Variants in ZAR1 observed in about 807,000 individuals in gnomAD.
ZAR1 encodes the protein zygote arrest 1.
A neutral mutation model predicts 38.3 loss-of-function variants in ZAR1; 37 were observed. The observed-to-expected ratio is 0.97, with a 90% confidence interval of 0.74 to 1.27. ZAR1 has a LOEUF of 1.27. ZAR1 is among the 50% of genes most tolerant of loss of function. The probability of loss-of-function intolerance (pLI) is 0.00; values close to 1 mark genes in which losing one functional copy is unlikely to be tolerated. For synonymous variants in ZAR1, 336 were observed against 292.0 expected, an observed-to-expected ratio of 1.15 and a Z score of -1.53; for missense variants, 651 against 632.4, an observed-to-expected ratio of 1.03 and a Z score of -0.32.
downstream of ZAR1, chr4:48,494,395 A>G: frequency 1.0e-6 from 1 of 966,176 alleles, no homozygotes. Flanking sequence ...CACGATTTAT[A>G]CATTGCATAA....
Position 48,490,888 on chromosome 4 carries a change from C to A in ZAR1, c.597C>A (p.Pro199=). Residue 199 remains proline (P), a synonymous_variant, in exon 1 of 4, where the codon CCC becomes CCA. Coordinates refer to ENST00000327939, the MANE Select transcript of ZAR1 (RefSeq NM_175619.3). ...RLTAFLEGPG[P]AAGEQRSGAS... Reference sequence around the variant, plus strand: ...CCGCCTTCCTGGAGGGGCCCGGGCCCGCGGCGGGCGAGCAGAGGTCCGGGG... The same window carrying A: ...CCGCCTTCCTGGAGGGGCCCGGGCCAGCGGCGGGCGAGCAGAGGTCCGGGG... 1 of 1,401,108 alleles carries A rather than the reference C, an allele frequency of 7.1e-7. No homozygotes were observed. Among genetic ancestry groups the A allele is most frequent in the South Asian group, 1.5e-5 (1 of 65,324 alleles). The allele number at this position is 1,401,108 out of a possible 1,614,324, so 86.8% of individuals were successfully genotyped here.
intron 3 of ZAR1, 91 bp downstream of exon 3, chr4:48,493,103 C>T: frequency 8.4e-7 from 1 of 1,196,096 alleles, no homozygotes; most frequent in South Asian, 1.3e-5. Flanking sequence ...GAGGCCAGGC[C>T]CCCAGACCTT....
At chr4:48,494,451 AAC>A, downstream of ZAR1, 1 of 623,330 alleles carries the variant, frequency 1.6e-6, no homozygotes, top group South Asian at 2.1e-5. Flanking sequence ...GTCTTGTGCT[AAC>A]AGTCTGGGCC....
At chr4:48,496,320 G>A (rs1425509863), downstream of ZAR1, among the ~76,000 whole-genome samples, 1 of 152,190 alleles carries the variant, frequency 6.6e-6, no homozygotes, top group African/African-American at 2.4e-5. Flanking sequence ...GGTAGGTACA[G>A]GGGTAGGAAA....
In ZAR1 at chr4:48,490,841, C is replaced by T. The variant is rs771440149; in HGVS notation, c.550C>T (p.Pro184Ser). 1.7e-5 allele frequency: 26 copies of T among 1,496,036 alleles called. No individual in the cohort carries two copies. The highest frequency in any genetic ancestry group is 2.3e-5 in the Non-Finnish European group (26 of 1,130,148). 92.7% of individuals were successfully genotyped at this position (1,496,036 alleles called of 1,614,324 possible). A position where few individuals can be genotyped will look rare whatever the true frequency, so the allele number is the denominator to read the frequency against. ...RFPRTVAVYS[P>S]LALRRLTAFL... ...CCCGCGCACCGTCGCCGTGTACTCG[C>T]CCCTGGCCTTGCGCCGTCTCACCGC... The change falls in exon 1 of 4, where the codon CCC becomes TCC. Residue 184 changes from proline (P) to serine (S), a missense_variant. This residue lies in a region of ZAR1 where 522 missense variants were observed against 459.9 expected (regional missense o/e 1.14). Coordinates refer to ENST00000327939, the MANE Select transcript of ZAR1 (RefSeq NM_175619.3).
At position 48,490,879 on chromosome 4, in the gene ZAR1, G is replaced by A. The variant is rs139073114; in HGVS notation, c.588G>A (p.Gly196=). The A allele has an allele frequency of 1.4e-6, 2 of 1,417,004 alleles. No individual in the cohort carries two copies. The highest frequency in any genetic ancestry group is 9.2e-7 in the Non-Finnish European group (1 of 1,089,432). The allele number at this position is 1,417,004 out of a possible 1,614,324, so 87.8% of individuals were successfully genotyped here. A position where few individuals can be genotyped will look rare whatever the true frequency, so the allele number is the denominator to read the frequency against. The change falls in exon 1 of 4, where the codon GGG becomes GGA. Residue 196 remains glycine, a synonymous_variant. Coordinates refer to ENST00000327939, the MANE Select transcript of ZAR1 (RefSeq NM_175619.3). ...ALRRLTAFLE[G]PGPAAGEQRS... ...GCCGTCTCACCGCCTTCCTGGAGGGGCCCGGGCCCGCGGCGGGCGAGCAGA... is the reference window on the plus strand; with the variant it reads ...GCCGTCTCACCGCCTTCCTGGAGGGACCCGGGCCCGCGGCGGGCGAGCAGA...
At chr4:48,494,635 C>T (rs552814530), downstream of ZAR1, among the ~76,000 whole-genome samples, 1 of 152,088 alleles carries the variant, frequency 6.6e-6, no homozygotes, top group South Asian at 2.1e-4. Flanking sequence ...TAAAAAGCCG[C>T]CTAGCGATCG....
rs981467553 is a variant in ZAR1 at position 48,490,604 on chromosome 4, G to T, written c.313G>T (p.Asp105Tyr). The T allele has an allele frequency of 5.8e-6, 8 of 1,377,028 alleles. No homozygotes were observed. In the Admixed American group the frequency reaches 1.5e-4, roughly 27 times the overall value. 85.3% of individuals were successfully genotyped at this position (1,377,028 alleles called of 1,614,324 possible). The stretch of plus-strand genomic sequence containing the variant: ...GCGCGCCCGCAGGGCCGGCAGCTGC[G>T]ACGTGGCGGTGCAGGTGAGCCCGCG... Reference protein sequence around the residue: ...GPRARRAGSCDVAVQVSPRID... With the variant: ...GPRARRAGSCYVAVQVSPRID... The change falls in exon 1 of 4, where the codon GAC (aspartate) becomes TAC (tyrosine). Residue 105 changes from aspartate to tyrosine, a missense_variant. Around this residue, in one of 2 missense-constraint regions of ZAR1, gnomAD observed 522 missense variants for 459.9 expected, o/e 1.14. Transcript: ENST00000327939.
rs769208107 is a variant in ZAR1 at position 48,490,574 on chromosome 4, G to C, written c.283G>C (p.Gly95Arg). ...CCTGGCGCAGGTGGGGCCGGGTCTC[G>C]GGCCGCGCGCCCGCAGGGCCGGCAG... ...ALLAQVGPGL[G>R]PRARRAGSCD... is the part of the protein sequence containing the mutation. The change falls in exon 1 of 4, where the codon GGG becomes CGG. Residue 95 changes from glycine (G) to arginine (R), a missense_variant. Transcript: ENST00000327939. 161 of 1,398,808 alleles carry C rather than the reference G, an allele frequency of 1.2e-4. No individual in the cohort carries two copies. Among genetic ancestry groups the C allele is most frequent in the African/African-American group, 2.9e-4 (19 of 65,806 alleles). 86.6% of individuals were successfully genotyped at this position (1,398,808 alleles called of 1,614,324 possible).
Position 48,492,923 on chromosome 4 carries a change from T to G in ZAR1, c.1057-15T>G. The G allele has an allele frequency of 6.2e-7, 1 of 1,614,198 alleles. No individual in the cohort carries two copies. The highest frequency in any genetic ancestry group is 8.5e-7 in the Non-Finnish European group (1 of 1,180,014). ...TGTCAAGGCGATTTTAAGTTTATCC[T>G]CTTTGTCATCACAGGTTTACTTCAA... On this transcript the variant is annotated splice_polypyrimidine_tract_variant and intron_variant, in intron 2 of 3. Coordinates refer to ENST00000327939, the MANE Select transcript of ZAR1 (RefSeq NM_175619.3).
Position 48,494,088 on chromosome 4 carries a change from T to TA in ZAR1, c.1132-13_1132-12insA, listed in dbSNP as rs753863939. On this transcript the variant is annotated splice_polypyrimidine_tract_variant and intron_variant, in intron 3 of 3. Coordinates refer to ENST00000327939, the MANE Select transcript of ZAR1 (RefSeq NM_175619.3). The stretch of plus-strand genomic sequence containing the variant: ...TTATCTTCTGCATGCCCTTCTGTAT[T>TA]TTTTTCCCCCAGAGTTGTAAACAAA... The TA allele has an allele frequency of 6.2e-7, 1 of 1,609,294 alleles. No homozygotes were observed.
Position 48,490,947 on chromosome 4 carries a change from G to C in ZAR1, c.656G>C (p.Arg219Pro). The C allele has an allele frequency of 7.5e-7, 1 of 1,341,418 alleles. No individual in the cohort carries two copies. The highest frequency in any genetic ancestry group is 9.5e-7 in the Non-Finnish European group (1 of 1,051,082). The allele number at this position is 1,341,418 out of a possible 1,614,324, so 83.1% of individuals were successfully genotyped here. A position where few individuals can be genotyped will look rare whatever the true frequency, so the allele number is the denominator to read the frequency against. ...GGAGAGAGGGGGCCGCCGCCCGCGC[G>C]GCTTCAAGGCCCAGAGGAGGGGGAG... ...SDGERGPPPA[R>P]LQGPEEGEVW... The change falls in exon 1 of 4, where the codon CGG becomes CCG. Residue 219 changes from arginine (R) to proline (P), a missense_variant. Physicochemically the swap from Arg to Pro is moderately radical, Grantham distance 103. This residue lies in a region of ZAR1 where 522 missense variants were observed against 459.9 expected (regional missense o/e 1.14). Coordinates refer to ENST00000327939, the MANE Select transcript of ZAR1 (RefSeq NM_175619.3).
chr4:48,493,870 T>C (rs1718511523), intron 3 of ZAR1, among the ~76,000 whole-genome samples: 1 of 152,208 alleles, frequency 6.6e-6, no homozygotes, highest in African/African-American at 2.4e-5. Flanking sequence ...ATTTCACAAT[T>C]CATAATTGGA....
downstream of ZAR1, chr4:48,494,466 T>A: frequency 1.8e-6 from 1 of 543,812 alleles, no homozygotes. Flanking sequence ...TCTGGGCCTG[T>A]CACTTCACCT....
intron 1 of ZAR1, among the ~76,000 whole-genome samples, chr4:48,491,989 C>T (rs1263221348): frequency 6.6e-6 from 1 of 152,192 alleles, no homozygotes; most frequent in Non-Finnish European, 1.5e-5. Flanking sequence ...TCCACGGCCA[C>T]CACAGGCTGG....
At position 48,490,749 on chromosome 4, in the gene ZAR1, A is replaced by G. The variant is rs772281714; in HGVS notation, c.458A>G (p.Gln153Arg). 7.1e-7 allele frequency: 1 copy of G among 1,416,164 alleles called. No homozygotes were observed. The highest frequency in any genetic ancestry group is 9.2e-7 in the Non-Finnish European group (1 of 1,088,798). The allele number at this position is 1,416,164 out of a possible 1,614,324, so 87.7% of individuals were successfully genotyped here. A position where few individuals can be genotyped will look rare whatever the true frequency, so the allele number is the denominator to read the frequency against. Reference protein sequence around the residue: ...EGTTGGGSFSQQPSRRGLEQG... With the variant: ...EGTTGGGSFSRQPSRRGLEQG... The stretch of plus-strand genomic sequence containing the variant: ...ACCACGGGTGGCGGCTCTTTCTCCC[A>G]GCAGCCATCCCGTCGAGGCCTGGAG... Residue 153 changes from glutamine (Q) to arginine (R), a missense_variant, in exon 1 of 4, where the codon CAG (glutamine) becomes CGG (arginine). Transcript: ENST00000327939.
Position 48,490,423 on chromosome 4 carries a change from C to A in ZAR1, c.132C>A (p.Gly44=), listed in dbSNP as rs775927495. The change falls in exon 1 of 4, where the codon GGC becomes GGA. Residue 44 remains glycine (G), a synonymous_variant. Transcript: ENST00000327939. ...CGGGCGGCAGCTGGCAGCAGCGCGG[C>A]AGGGGCTGCCTTCCCGCCTCCTCCC... ...GAAGGSWQQR[G]RGCLPASSPC... 1 of 1,481,928 alleles carries A rather than the reference C, an allele frequency of 6.7e-7. No individual in the cohort carries two copies. Among genetic ancestry groups the A allele is most frequent in the Non-Finnish European group, 8.9e-7 (1 of 1,120,730 alleles). The allele number at this position is 1,481,928 out of a possible 1,614,324, so 91.8% of individuals were successfully genotyped here. A position where few individuals can be genotyped will look rare whatever the true frequency, so the allele number is the denominator to read the frequency against.
chr4:48,496,867 G>A (rs905571026), downstream of ZAR1, among the ~76,000 whole-genome samples: 17 of 152,018 alleles, frequency 1.1e-4, no homozygotes, highest in Admixed American at 3.9e-4. Context: ...TCATACTGTC[G>A]TCTTTCTCCT....
Position 48,490,494 on chromosome 4 carries a change from G to T in ZAR1, c.203G>T (p.Arg68Leu). The change falls in exon 1 of 4, where the codon CGG (arginine) becomes CTG (leucine). Residue 68 changes from arginine (R) to leucine (L), a missense_variant. Physicochemically the swap from Arg to Leu is moderately radical, Grantham distance 102 (BLOSUM62 -2). This residue lies in a region of ZAR1 where 522 missense variants were observed against 459.9 expected (regional missense o/e 1.14). Coordinates refer to ENST00000327939, the MANE Select transcript of ZAR1 (RefSeq NM_175619.3). Reference sequence around the variant, plus strand: ...TCGTTGTCCTTCCCGGGCTGCGGGCGGCTGACGGCCGCCGAGTACTTCGAC... The same window carrying T: ...TCGTTGTCCTTCCCGGGCTGCGGGCTGCTGACGGCCGCCGAGTACTTCGAC... ...AASLSFPGCG[R>L]LTAAEYFDSY... The T allele has an allele frequency of 6.8e-7, 1 of 1,469,708 alleles. No individual in the cohort carries two copies. Among genetic ancestry groups the T allele is most frequent in the Non-Finnish European group, 8.9e-7 (1 of 1,119,776 alleles). The allele number at this position is 1,469,708 out of a possible 1,614,324, so 91.0% of individuals were successfully genotyped here.
Sources: allele counts gnomAD v4.1 joint callset (sites outside exome capture counted in the v4.1 genomes callset), GRCh38; gene constraint gnomAD v4.1.1; regional missense constraint gnomAD v4.1.1; transcripts MANE v1.5; gene names NCBI Gene and HGNC (gene_info 2026-07-23, HGNC 2026-07-21).